LSAMP: variants seen among roughly 807,000 people sequenced by gnomAD.
LSAMP encodes the protein limbic system associated membrane protein.
In LSAMP, 7 loss-of-function variants were observed where a neutral mutation model predicts 38.6. The observed-to-expected ratio is 0.18, with a 90% confidence interval of 0.10 to 0.34. The LOEUF is 0.34. Among genes scored for constraint, LSAMP ranks in the 10% least tolerant of loss-of-function variants. The pLI is 1.00. For missense variants in LSAMP, 313 were observed against 420.0 expected (o/e 0.75, Z 2.23); for synonymous variants, 154 against 166.8 (o/e 0.92, Z 0.59).
At chr3:116,113,039 A>C (rs1176682619) in intron 1 of LSAMP, among the ~76,000 whole-genome samples, 4 of 152,228 alleles carry the variant, frequency 2.6e-5, no homozygotes, top group East Asian at 1.9e-4. Flanking sequence ...ATAATAAGTA[A>C]GGAAAGCATA....
intron 3 of LSAMP, among the ~76,000 whole-genome samples, chr3:115,858,075 GGT>G (rs1935561366): frequency 6.6e-6 from 1 of 151,712 alleles, no homozygotes; most frequent in Non-Finnish European, 1.5e-5. Flanking sequence ...ATATTTCCAT[GGT>G]GCTGCTTTCT....
chr3:116,417,033 G>T (rs551415999), intron 1 of LSAMP, among the ~76,000 whole-genome samples: 1 of 152,226 alleles, frequency 6.6e-6, no homozygotes, highest in South Asian at 2.1e-4. Context: ...AAATTTGGAT[G>T]CAGTTTGTAA....
At chr3:115,824,040 C>T (rs1934331574) in intron 6 of LSAMP, among the ~76,000 whole-genome samples, 1 of 152,204 alleles carries the variant, frequency 6.6e-6, no homozygotes, top group Non-Finnish European at 1.5e-5. Context: ...TCTTAAGTCT[C>T]TTGCACCAAG....
intron 1 of LSAMP, among the ~76,000 whole-genome samples, chr3:116,279,519 T>C (rs1371071790): frequency 6.6e-6 from 1 of 152,202 alleles, no homozygotes. Context: ...TGTGAAAGAT[T>C]CTCTACACTG....
chr3:115,822,390 C>T (rs867438295), intron 6 of LSAMP, among the ~76,000 whole-genome samples: 9 of 130,124 alleles, frequency 6.9e-5, no homozygotes, highest in South Asian at 2.5e-4. Context: ...GACAGAGTTT[C>T]GCTCTTTTTG....
intron 1 of LSAMP, among the ~76,000 whole-genome samples, chr3:116,347,654 C>A (rs1405797823): frequency 6.6e-6 from 1 of 151,946 alleles, no homozygotes; most frequent in Non-Finnish European, 1.5e-5. Context: ...TTGTAGGTAA[C>A]GTGACAGTAA....
Position 115,987,706 on chromosome 3 carries a change from C to A in LSAMP, c.514+31809G>T, listed in dbSNP as rs150625959. On this transcript the variant is annotated intron_variant, in intron 3 of 6. Coordinates refer to ENST00000490035, the MANE Select transcript of LSAMP (RefSeq NM_002338.5). ...ATGTGTGAATTCATGTATATGCTAC[C>A]AGATGATTACGAATTAGGACTTATT... Among the ~76,000 whole-genome samples the A allele has an allele frequency of 7.8e-4, 119 of 152,178 alleles. 1 individual carries two copies. Among genetic ancestry groups the A allele is most frequent in the South Asian group, 5.6e-3 (27 of 4,820 alleles).
chr3:116,118,847 T>C (rs192430181), intron 1 of LSAMP, among the ~76,000 whole-genome samples: 111 of 152,340 alleles, frequency 7.3e-4, no homozygotes, highest in Admixed American at 6.1e-3. Context: ...TCATCTATTA[T>C]AAAGTTTGTA....
intron 1 of LSAMP, among the ~76,000 whole-genome samples, chr3:116,276,737 T>C (rs1485663060): frequency 6.7e-6 from 1 of 148,842 alleles, no homozygotes; most frequent in Non-Finnish European, 1.5e-5. Context: ...AGCTAAAAGA[T>C]TGAAGTCTGC....
At chr3:115,844,393 T>C (rs1477484199) in intron 4 of LSAMP, among the ~76,000 whole-genome samples, 2 of 152,228 alleles carry the variant, frequency 1.3e-5, no homozygotes, top group Admixed American at 6.5e-5. Flanking sequence ...AAAACATCTG[T>C]ACCAGTTTGA....
In LSAMP at chr3:116,395,774, C is replaced by T. The variant is rs115371635; in HGVS notation, c.155+49103G>A. On this transcript the variant is annotated intron_variant, in intron 1 of 6. Coordinates refer to ENST00000490035, the MANE Select transcript of LSAMP (RefSeq NM_002338.5). ...TCAACCTCTTTGGTTCCCATTGTTACTTTTCCCTTCTGTAGGATAGCATTT... is the reference window on the plus strand; with the variant it reads ...TCAACCTCTTTGGTTCCCATTGTTATTTTTCCCTTCTGTAGGATAGCATTT... Among the ~76,000 whole-genome samples, 1,317 of 152,250 alleles carry T rather than the reference C, an allele frequency of 8.7e-3. 23 individuals are homozygous for T. Among genetic ancestry groups the T allele is most frequent in the African/African-American group, 0.029 (1,220 of 41,554 alleles).
intron 1 of LSAMP, among the ~76,000 whole-genome samples, chr3:116,194,319 T>C (rs979907907): frequency 2.0e-5 from 3 of 152,180 alleles, no homozygotes; most frequent in African/African-American, 4.8e-5. Context: ...ATAATCCTTT[T>C]CAATTTCTCC....
In LSAMP at chr3:115,808,147, TC is replaced by T. The variant is rs1185838373; in HGVS notation, c.*2169del. 12 of 52,910 alleles carry T rather than the reference TC, an allele frequency of 2.3e-4. No homozygotes were observed. The highest frequency in any genetic ancestry group is 8.8e-4 in the Admixed American group (3 of 3,412). The allele number at this position is 52,910 out of a possible 1,614,324, so 3.3% of individuals were successfully genotyped here. On this transcript the variant is annotated 3_prime_UTR_variant, in exon 7 of 7. Coordinates refer to ENST00000490035, the MANE Select transcript of LSAMP (RefSeq NM_002338.5). Reference sequence around the variant, plus strand: ...CTCCCTCCCTCCCTCCCTCCCTCCCTCCCCCCCTTCCCCGTCCCCCCCTCCC... The same window carrying T: ...CTCCCTCCCTCCCTCCCTCCCTCCCTCCCCCCTTCCCCGTCCCCCCCTCCC...
intron 6 of LSAMP, among the ~76,000 whole-genome samples, chr3:115,836,012 A>G (rs1414267591): frequency 1.3e-5 from 2 of 152,138 alleles, no homozygotes; most frequent in Non-Finnish European, 2.9e-5. Context: ...TTTCTACTGA[A>G]TTTTATTTTT....
intron 1 of LSAMP, among the ~76,000 whole-genome samples, chr3:116,154,497 T>TCGTTTTAGG (rs1295795513): frequency 2.0e-5 from 3 of 152,158 alleles, no homozygotes; most frequent in African/African-American, 7.2e-5. Flanking sequence ...GATTAAACAT[T>TCGTTTTAGG]TCACAGCTTG....
intron 6 of LSAMP, among the ~76,000 whole-genome samples, chr3:115,826,345 G>A (rs1004757722): frequency 7.2e-5 from 11 of 151,932 alleles, no homozygotes; most frequent in African/African-American, 2.2e-4. Context: ...TCAACCTCCT[G>A]AACTTGTGAT....
intron 3 of LSAMP, among the ~76,000 whole-genome samples, chr3:115,918,204 C>G (rs746345472): frequency 1.3e-5 from 2 of 152,082 alleles, no homozygotes; most frequent in Non-Finnish European, 2.9e-5. Context: ...TAGCTTCTTA[C>G]GTAGGGAGAT....
In LSAMP at chr3:116,146,630, T is replaced by C. The variant is rs563470286; in HGVS notation, c.156-60074A>G. 1.2e-4 allele frequency among the ~76,000 whole-genome samples: 19 copies of C among 152,022 alleles called. 1 individual carries two copies. In the South Asian group the frequency reaches 3.7e-3, roughly 30 times the overall value. On this transcript the variant is annotated intron_variant, in intron 1 of 6. Transcript: ENST00000490035. ...GTGTTGCATGAATAAACAGTAATACTAACAAAAAAGAAGATGTTGAGAGAA... is the reference window on the plus strand; with the variant it reads ...GTGTTGCATGAATAAACAGTAATACCAACAAAAAAGAAGATGTTGAGAGAA...
chr3:116,056,630 C>G (rs536896959), intron 2 of LSAMP, among the ~76,000 whole-genome samples: 3 of 152,232 alleles, frequency 2.0e-5, no homozygotes, highest in South Asian at 4.1e-4. Flanking sequence ...ACAAAGGCAT[C>G]TTTAAGTTTA....
Sources: allele counts gnomAD v4.1 joint callset (sites outside exome capture counted in the v4.1 genomes callset), GRCh38; gene constraint gnomAD v4.1.1; transcripts MANE v1.5; gene names NCBI Gene and HGNC (gene_info 2026-07-23, HGNC 2026-07-21).